Variants in TOP1 observed in about 807,000 individuals in gnomAD.
TOP1 encodes DNA topoisomerase 1.
Under a neutral mutation model 111.1 loss-of-function variants are expected in TOP1, and 10 were observed. That is an observed-to-expected ratio of 0.09 (90% CI 0.06 to 0.15). The LOEUF (loss-of-function observed/expected upper bound fraction) is 0.15. TOP1 is among the 10% of genes least tolerant of loss of function. The probability of loss-of-function intolerance (pLI) is 1.00; values close to 1 mark genes in which losing one functional copy is unlikely to be tolerated. For synonymous variants in TOP1, 271 were observed against 302.9 expected (o/e 0.89, Z 1.10); for missense variants, 474 against 926.7 (o/e 0.51, Z 6.34).
rs567507465 is a variant in TOP1, at chr20:41,043,436, T to A, written c.58+13981T>A. On this transcript the variant is annotated intron_variant, in intron 2 of 20. Transcript: ENST00000361337. The stretch of plus-strand genomic sequence containing the variant: ...TATAAAAAAATTTAAGGAGCAGTTA[T>A]ATGATTAACACCAGAAAGGTTTCTT... Among the ~76,000 whole-genome samples, 19 of 152,368 alleles carry A rather than the reference T, an allele frequency of 1.2e-4. No homozygotes were observed. In the South Asian group the frequency reaches 2.3e-3, roughly 18 times the overall value.
rs2034309562 is a variant in TOP1, at chr20:41,115,194, C to CA, written c.1639-176dup. 1.3e-5 allele frequency among the ~76,000 whole-genome samples: 2 copies of CA among 151,440 alleles called. No homozygotes were observed. The highest frequency in any genetic ancestry group is 4.2e-4 in the South Asian group (2 of 4,780). On this transcript the variant is annotated intron_variant, in intron 15 of 20. Coordinates refer to ENST00000361337, the MANE Select transcript of TOP1 (RefSeq NM_003286.4). The surrounding 1 kb of genome is among the most constrained non-coding windows in gnomAD (Gnocchi z 6.3). ...TAAATATACACATGGAGAGAGTGAG[C>CA]ATACATGCACACTGTGCAAATGATG...
In TOP1 at chr20:41,029,304, C is replaced by T; in HGVS notation, c.34-127C>T. The T allele has an allele frequency of 3.3e-6, 3 of 898,758 alleles. No individual in the cohort carries two copies. The highest frequency in any genetic ancestry group is 2.0e-5 in the South Asian group (1 of 49,190). The allele number at this position is 898,758 out of a possible 1,614,324, so 55.7% of individuals were successfully genotyped here. ...AGTTCGAGGCAGGGATGGCTGCCCT[C>T]TGTGGCCACCCCCGGGTCCCCGTCC... On this transcript the variant is annotated intron_variant, in intron 1 of 20. Coordinates refer to ENST00000361337, the MANE Select transcript of TOP1 (RefSeq NM_003286.4). The surrounding 1 kb of genome is among the most constrained non-coding windows in gnomAD (Gnocchi z 6.1).
intron 3 of TOP1, chr20:41,072,211 A>G (rs1223683111): frequency 3.1e-6 from 3 of 983,594 alleles, no homozygotes; most frequent in African/African-American, 3.5e-5. Context: ...CTACAATTGT[A>G]CTTTTAAAGC....
Position 41,079,943 on chromosome 20 carries a change from T to C in TOP1, c.336-142T>C, listed in dbSNP as rs1343497265. The C allele has an allele frequency of 1.1e-5, 7 of 615,676 alleles. No individual in the cohort carries two copies. The highest frequency in any genetic ancestry group is 2.0e-5 in the Non-Finnish European group (7 of 345,612). 38.1% of individuals were successfully genotyped at this position (615,676 alleles called of 1,614,324 possible). A position where few individuals can be genotyped will look rare whatever the true frequency, so the allele number is the denominator to read the frequency against. On this transcript the variant is annotated intron_variant, in intron 5 of 20. Transcript: ENST00000361337. The surrounding 1 kb of genome is among the most constrained non-coding windows in gnomAD (Gnocchi z 4.0). ...TTCACAGGATTGAAGTGAGAAAAAG[T>C]GCTCACAGAACATCTTCATGATATG...
chr20:41,072,616 C>A (rs908711011), intron 3 of TOP1: 1 of 985,286 alleles, frequency 1.0e-6, no homozygotes, highest in Non-Finnish European at 1.2e-6. Flanking sequence ...GAAAGATTGG[C>A]AGTGGGGTTT....
rs2033549781 is a variant in TOP1, at chr20:41,061,882, A to G, written c.155+392A>G. ...TCTATATTTTAAAGAGTTTACATTA[A>G]AAATTCTTAACTTGGGCTTCCATGG... is the stretch of plus-strand genomic sequence containing the variant. On this transcript the variant is annotated intron_variant, in intron 3 of 20. Coordinates refer to ENST00000361337, the MANE Select transcript of TOP1 (RefSeq NM_003286.4). This position sits in a 1 kb window ranked among gnomAD's most constrained non-coding sequence, Gnocchi z 4.6. Among the ~76,000 whole-genome samples, 1 of 152,148 alleles carries G rather than the reference A, an allele frequency of 6.6e-6. No homozygotes were observed. The highest frequency in any genetic ancestry group is 1.5e-5 in the Non-Finnish European group (1 of 68,032).
rs547268070 is a variant in TOP1 at position 41,124,150 on chromosome 20, C to G, written c.*853C>G. ...CCATCTTTTTCTTTTTAACCCTAATCTTTCACTTGAAAGATTTTATTGTAT... is the reference window on the plus strand; with the variant it reads ...CCATCTTTTTCTTTTTAACCCTAATGTTTCACTTGAAAGATTTTATTGTAT... On this transcript the variant is annotated 3_prime_UTR_variant, in exon 21 of 21. Transcript: ENST00000361337. The surrounding 1 kb of genome is among the most constrained non-coding windows in gnomAD (Gnocchi z 5.4). 6 of 232,782 alleles carry G rather than the reference C, an allele frequency of 2.6e-5. No homozygotes were observed. The highest frequency in any genetic ancestry group is 1.1e-4 in the African/African-American group (5 of 45,364). 14.4% of individuals were successfully genotyped at this position (232,782 alleles called of 1,614,324 possible). A position where few individuals can be genotyped will look rare whatever the true frequency, so the allele number is the denominator to read the frequency against.
chr20:41,033,585 G>C (rs6129733), intron 2 of TOP1, among the ~76,000 whole-genome samples: 36,721 of 151,984 alleles, frequency 0.24, 5,445 homozygotes, highest in East Asian at 0.75. Flanking sequence ...ATACAGCTTT[G>C]TTGTATATTA....
In TOP1 at chr20:41,028,845, A is replaced by C; in HGVS notation, c.-223A>C. 1 of 531,538 alleles carries C rather than the reference A, an allele frequency of 1.9e-6. No homozygotes were observed. The highest frequency in any genetic ancestry group is 3.3e-6 in the Non-Finnish European group (1 of 302,290). The allele number at this position is 531,538 out of a possible 1,614,324, so 32.9% of individuals were successfully genotyped here. A position where few individuals can be genotyped will look rare whatever the true frequency, so the allele number is the denominator to read the frequency against. ...CCCAAATGCGAACTTAGGCTGTTAC[A>C]CAACTGCTGGGGTCTGTTCTCGCCG... On this transcript the variant is annotated 5_prime_UTR_variant, in exon 1 of 21. Coordinates refer to ENST00000361337, the MANE Select transcript of TOP1 (RefSeq NM_003286.4).
At chr20:41,088,608 T>C (rs1315137473) in intron 8 of TOP1, among the ~76,000 whole-genome samples, 1 of 152,172 alleles carries the variant, frequency 6.6e-6, no homozygotes, top group African/African-American at 2.4e-5. Flanking sequence ...ACGGTTACTC[T>C]GTGACTGCTG....
At position 41,058,978 on chromosome 20, in the gene TOP1, C is replaced by T. The variant is rs1421323961; in HGVS notation, c.59-2416C>T. Among the ~76,000 whole-genome samples the T allele has an allele frequency of 2.6e-5, 4 of 152,192 alleles. No individual in the cohort carries two copies. The highest frequency in any genetic ancestry group is 5.9e-5 in the Non-Finnish European group (4 of 68,004). On this transcript the variant is annotated intron_variant, in intron 2 of 20. Transcript: ENST00000361337. The surrounding 1 kb of genome is among the most constrained non-coding windows in gnomAD (Gnocchi z 4.2). ...TGTGGCGCATGTACACCACGGAATA[C>T]TGTGCAGCCATAAGAAGAACGAGAT...
chr20:41,111,601 C>T (rs2034242253), intron 13 of TOP1, among the ~76,000 whole-genome samples: 1 of 121,962 alleles, frequency 8.2e-6, no homozygotes, highest in East Asian at 2.9e-4. Context: ...CCCCCCGCCC[C>T]CTTTTTTTTT....
In TOP1 at chr20:41,101,375, G is replaced by A. The variant is rs2145953228; in HGVS notation, c.1308+22G>A. The A allele has an allele frequency of 2.5e-6, 4 of 1,608,982 alleles. No homozygotes were observed. The highest frequency in any genetic ancestry group is 3.4e-6 in the Non-Finnish European group (4 of 1,175,950). On this transcript the variant is annotated intron_variant, in intron 13 of 20. Coordinates refer to ENST00000361337, the MANE Select transcript of TOP1 (RefSeq NM_003286.4). This position sits in a 1 kb window ranked among gnomAD's most constrained non-coding sequence, Gnocchi z 4.1. ...CAAGGTAAGGGGATAGTTGAGAGCT[G>A]CACTGGTTCATGGTGCTGATAACCT...
intron 3 of TOP1, among the ~76,000 whole-genome samples, chr20:41,062,673 A>C (rs1253554444): frequency 6.6e-6 from 1 of 152,226 alleles, no homozygotes; most frequent in East Asian, 1.9e-4. Flanking sequence ...AGAACATAGC[A>C]GTTATAAATG....
In TOP1 at chr20:41,112,654, C is replaced by T. The variant is rs1403661550; in HGVS notation, c.1309-128C>T. On this transcript the variant is annotated intron_variant, in intron 13 of 20. Transcript: ENST00000361337. The surrounding 1 kb of genome is among the most constrained non-coding windows in gnomAD (Gnocchi z 5.8). ...CTCTGCCTCCTGCGTTCAAGCAATT[C>T]TTGTGTCTTAGCCTCCCTATTAGCT... 9 of 1,002,816 alleles carry T rather than the reference C, an allele frequency of 9.0e-6. 1 individual carries two copies. The highest frequency in any genetic ancestry group is 4.6e-4 in the Middle Eastern group (2 of 4,338). The allele number at this position is 1,002,816 out of a possible 1,614,324, so 62.1% of individuals were successfully genotyped here. A position where few individuals can be genotyped will look rare whatever the true frequency, so the allele number is the denominator to read the frequency against.
intron 2 of TOP1, among the ~76,000 whole-genome samples, chr20:41,053,894 T>C (rs1202797286): frequency 6.6e-6 from 1 of 152,164 alleles, no homozygotes; most frequent in Non-Finnish European, 1.5e-5. Flanking sequence ...TTGTTAGGCA[T>C]GGGATTGCTG....
At chr20:41,054,608 A>G (rs1383014274) in intron 2 of TOP1, among the ~76,000 whole-genome samples, 2 of 152,224 alleles carry the variant, frequency 1.3e-5, no homozygotes, top group Admixed American at 6.5e-5. Context: ...GCACGCTAGC[A>G]TGGTGCTGGC....
At position 41,115,656 on chromosome 20, in the gene TOP1, T is replaced by TG. The variant is rs1350912650; in HGVS notation, c.1707+223dup. On this transcript the variant is annotated intron_variant, in intron 16 of 20. Transcript: ENST00000361337. The surrounding 1 kb of genome is among the most constrained non-coding windows in gnomAD (Gnocchi z 6.3). ...AGAACAACTGCTAAAGCACTCAGGG[T>TG]GGGGGGTAGATGAGCCCTACCTTTT... Among the ~76,000 whole-genome samples, 1 of 151,992 alleles carries TG rather than the reference T, an allele frequency of 6.6e-6. No individual in the cohort carries two copies. The highest frequency in any genetic ancestry group is 1.5e-5 in the Non-Finnish European group (1 of 67,984).
chr20:41,077,506 GCTA>G, intron 4 of TOP1, 73 bp from the exon 5 acceptor site: 1 of 1,177,740 alleles, frequency 8.5e-7, no homozygotes, highest in Non-Finnish European at 1.3e-6. Flanking sequence ...AGGAACTGAT[GCTA>G]CATATTCTCA....
Sources: gnomAD v4.1 joint callset for allele counts (sites outside exome capture counted in the v4.1 genomes callset) on GRCh38, gnomAD v4.1.1 for gene constraint, Gnocchi (gnomAD v3.1) non-coding constraint, MANE v1.5 for transcripts, NCBI Gene and HGNC (gene_info 2026-07-23, HGNC 2026-07-21) for gene names.